Variants in OGN observed in about 807,000 individuals in gnomAD.
OGN encodes the protein osteoglycin, also known as mimecan.
Under a neutral mutation model 30.8 loss-of-function variants are expected in OGN, and 19 were observed. The observed-to-expected ratio is 0.62, with a 90% CI of 0.43 to 0.90. OGN has a LOEUF of 0.90. Ranked by LOEUF, OGN falls within the 40% of genes least tolerant of loss-of-function variation. The pLI is 0.00. For synonymous variants in OGN, 126 were observed against 128.3 expected (o/e 0.98, Z 0.12); for missense variants, 283 against 349.7 (o/e 0.81, Z 1.52).
intron 5 of OGN, among the ~76,000 whole-genome samples, chr9:92,389,407 C>A (rs1213048739): frequency 2.6e-5 from 4 of 152,142 alleles, no homozygotes; most frequent in African/African-American, 9.7e-5. Flanking sequence ...TATAGAATTT[C>A]ACAGTCTAAT....
In OGN at chr9:92,383,279, A is replaced by G. The variant is rs1477206241; in HGVS notation, c.*2341T>C. Among the ~76,000 whole-genome samples, 2 of 152,062 alleles carry G rather than the reference A, an allele frequency of 1.3e-5. No homozygotes were observed. The highest frequency in any genetic ancestry group is 2.9e-5 in the Non-Finnish European group (2 of 68,034). On this transcript the variant is annotated 3_prime_UTR_variant, in exon 7 of 7. Coordinates refer to ENST00000375561, the MANE Select transcript of OGN (RefSeq NM_014057.5). ...GTCTTCTATCTTTATTCTTATTTTCAAGATTCTTCTCTTTATTTGGGGGTC... is the reference window on the plus strand; with the variant it reads ...GTCTTCTATCTTTATTCTTATTTTCGAGATTCTTCTCTTTATTTGGGGGTC...
intron 3 of OGN, among the ~76,000 whole-genome samples, chr9:92,397,126 A>G (rs1475484392): frequency 6.6e-6 from 1 of 152,026 alleles, no homozygotes; most frequent in African/African-American, 2.4e-5. Context: ...GCAGTGAGCC[A>G]TGATCATGCC....
chr9:92,390,189 T>C (rs1433122233), intron 4 of OGN, 133 bp from the exon 5 acceptor site: 11 of 587,426 alleles, frequency 1.9e-5, no homozygotes, highest in Non-Finnish European at 2.1e-5. Context: ...TTACAATTCA[T>C]AGCCCAGTAA....
chr9:92,403,675 A>G, intron 1 of OGN, 193 bp from the exon 2 acceptor site: 1 of 1,052,742 alleles, frequency 9.5e-7, no homozygotes, highest in African/African-American at 1.7e-5. Flanking sequence ...TCTATCAGAA[A>G]TTCAAGAAAG....
chr9:92,392,001 G>A (rs1842707008), intron 4 of OGN, among the ~76,000 whole-genome samples: 1 of 152,012 alleles, frequency 6.6e-6, no homozygotes, highest in African/African-American at 2.4e-5. Context: ...AGCGGGGCTA[G>A]TATGCATTTC....
chr9:92,397,623 C>T (rs552165849), intron 3 of OGN, among the ~76,000 whole-genome samples: 2 of 152,346 alleles, frequency 1.3e-5, no homozygotes, highest in Admixed American at 6.5e-5. Flanking sequence ...AGCCACCACA[C>T]CCGGCCAGCA....
chr9:92,400,836 T>C (rs1843082843), intron 3 of OGN, among the ~76,000 whole-genome samples: 1 of 152,248 alleles, frequency 6.6e-6, no homozygotes, highest in South Asian at 2.1e-4. Context: ...AGATTTTATA[T>C]GGATGGAAAC....
chr9:92,385,579 A>C lies in OGN; in HGVS notation c.*41T>G, dbSNP rs1842384465. The C allele has an allele frequency of 1.9e-6, 3 of 1,540,560 alleles. No homozygotes were observed. The South Asian group carries it at 3.4e-5, about 17-fold the overall frequency. On this transcript the variant is annotated 3_prime_UTR_variant, in exon 7 of 7. Transcript: ENST00000375561. ...TTACTCATTGTTGAGACAGACTATT[A>C]GTGTAGGTGTACTTTCATTTATATG...
chr9:92,392,688 ATTAG>A (rs1483132175), intron 4 of OGN, among the ~76,000 whole-genome samples: 1 of 152,192 alleles, frequency 6.6e-6, no homozygotes, highest in Non-Finnish European at 1.5e-5. Context: ...TTTAAGAGCC[ATTAG>A]TTAAAGTAAG....
chr9:92,388,348 G>A (rs1397071871), intron 5 of OGN, among the ~76,000 whole-genome samples: 2 of 151,842 alleles, frequency 1.3e-5, no homozygotes, highest in African/African-American at 4.8e-5. Context: ...TTTTAGTGGA[G>A]ACAGAGTTTC....
chr9:92,386,773 G>A (rs867417508), intron 5 of OGN, among the ~76,000 whole-genome samples: 2 of 152,042 alleles, frequency 1.3e-5, no homozygotes, highest in African/African-American at 2.4e-5. Context: ...TAGTAGAGAC[G>A]AGGTTTCACC....
At chr9:92,393,366 TAAGA>T (rs992412020) in intron 3 of OGN, 122 bp from the exon 4 acceptor site, 16 of 715,588 alleles carry the variant, frequency 2.2e-5, no homozygotes, top group Non-Finnish European at 4.4e-6. Flanking sequence ...TACAGAATCA[TAAGA>T]AAGATAGTCA....
At chr9:92,385,935 A>G in intron 6 of OGN, 145 bp from the exon 7 acceptor site, 2 of 737,020 alleles carry the variant, frequency 2.7e-6, no homozygotes, top group East Asian at 5.3e-5. Context: ...AAATACTCAA[A>G]TGTACACCTG....
chr9:92,391,381 T>A (rs1473928812), intron 4 of OGN, among the ~76,000 whole-genome samples: 1 of 152,114 alleles, frequency 6.6e-6, no homozygotes, highest in Non-Finnish European at 1.5e-5. Context: ...CACTCCAGCC[T>A]GGGCAACAGA....
chr9:92,403,132 T>A, intron 2 of OGN, 102 bp downstream of exon 2: 1 of 701,360 alleles, frequency 1.4e-6, no homozygotes, highest in Non-Finnish European at 2.3e-6. Context: ...TTAAAGTGAT[T>A]TTCCCTTCCC....
chr9:92,388,763 C>T lies in OGN; in HGVS notation c.630+1091G>A, dbSNP rs569717240. ...AGGAGAATTGCTCAAACCTGGGAGGCGGAGGTTGCAGTAAGCCAAGATCAC... is the reference window on the plus strand; with the variant it reads ...AGGAGAATTGCTCAAACCTGGGAGGTGGAGGTTGCAGTAAGCCAAGATCAC... On this transcript the variant is annotated intron_variant, in intron 5 of 6. Transcript: ENST00000375561. Among the ~76,000 whole-genome samples the T allele has an allele frequency of 6.9e-5, 10 of 144,284 alleles. No homozygotes were observed. In the East Asian group the frequency reaches 1.1e-3, roughly 15 times the overall value. 94.7% of individuals were successfully genotyped at this position (144,284 alleles called of 152,430 possible). A position where few individuals can be genotyped will look rare whatever the true frequency, so the allele number is the denominator to read the frequency against.
At chr9:92,398,400 G>A (rs114869321) in intron 3 of OGN, among the ~76,000 whole-genome samples, 1 of 152,128 alleles carries the variant, frequency 6.6e-6, no homozygotes, top group African/African-American at 2.4e-5. Flanking sequence ...AAGTATATAC[G>A]CAGAGAACTG....
In OGN at chr9:92,401,121, G is replaced by T; in HGVS notation, c.239C>A (p.Thr80Lys). 1 of 1,532,396 alleles carries T rather than the reference G, an allele frequency of 6.5e-7. No homozygotes were observed. Among genetic ancestry groups the T allele is most frequent in the Non-Finnish European group, 9.0e-7 (1 of 1,107,598 alleles). 94.9% of individuals were successfully genotyped at this position (1,532,396 alleles called of 1,614,324 possible). The change falls in exon 3 of 7, where the codon ACA (threonine) becomes AAA (lysine). Residue 80 changes from threonine to lysine, a missense_variant. Coordinates refer to ENST00000375561, the MANE Select transcript of OGN (RefSeq NM_014057.5). ...SLQLQKDEAI[T>K]PLPPKKENDE... is the part of the protein sequence containing the mutation. ...ATTTTCTTTCTTGGGAGGTAATGGT[G>T]TTATTGCCTCATCTTTTTGTAATTG... is the stretch of plus-strand genomic sequence containing the variant.
chr9:92,385,430 G>T lies in OGN; in HGVS notation c.*190C>A. ...AAATATTTTCATATTACTTTGTTTC[G>T]AACGTAGACATTCAGTCTTACTTTT... On this transcript the variant is annotated 3_prime_UTR_variant, in exon 7 of 7. Transcript: ENST00000375561. 1.9e-6 allele frequency: 1 copy of T among 514,502 alleles called. No homozygotes were observed. The highest frequency in any genetic ancestry group is 3.4e-6 in the Non-Finnish European group (1 of 293,226). The allele number at this position is 514,502 out of a possible 1,614,324, so 31.9% of individuals were successfully genotyped here.
Sources: allele counts gnomAD v4.1 joint callset (sites outside exome capture counted in the v4.1 genomes callset), GRCh38; gene constraint gnomAD v4.1.1; transcripts MANE v1.5; gene names NCBI Gene and HGNC (gene_info 2026-07-23, HGNC 2026-07-21).